Variants in GOPC observed in about 807,000 individuals in gnomAD.
GOPC encodes the protein golgi associated PDZ and coiled-coil motif containing, also known as Golgi-associated PDZ and coiled-coil motif-containing protein.
A neutral mutation model predicts 51.2 loss-of-function variants in GOPC; 32 were observed. The ratio of observed to expected loss-of-function variants is 0.63; its 90% CI spans 0.47 to 0.84. GOPC has a LOEUF of 0.84. GOPC is among the 40% of genes least tolerant of loss of function. The probability of loss-of-function intolerance (pLI) is 0.00; values close to 1 mark genes in which losing one functional copy is unlikely to be tolerated. For missense variants in GOPC, 441 were observed against 555.5 expected (o/e 0.79, Z 2.07); for synonymous variants, 190 against 205.1 (o/e 0.93, Z 0.63).
At chr6:117,573,208 G>C (rs1779832421) in intron 5 of GOPC, among the ~76,000 whole-genome samples, 1 of 152,142 alleles carries the variant, frequency 6.6e-6, no homozygotes, top group South Asian at 2.1e-4. Context: ...CTGGAAATAT[G>C]ATCCAACATT....
intron 1 of GOPC, among the ~76,000 whole-genome samples, chr6:117,599,760 G>T (rs1227605316): frequency 1.3e-5 from 2 of 151,862 alleles, no homozygotes; most frequent in Non-Finnish European, 2.9e-5. Flanking sequence ...TTTAATTTCT[G>T]AAAAAAGAAC....
chr6:117,563,193 TC>T lies in GOPC; in HGVS notation c.*60del. 2 of 1,506,614 alleles carry T rather than the reference TC, an allele frequency of 1.3e-6. No individual in the cohort carries two copies. 93.3% of individuals were successfully genotyped at this position (1,506,614 alleles called of 1,614,324 possible). ...GATTTTGTAGTCTTTGTCACCATCT[TC>T]CCCAGTGCCCCAAATTCAGAATAGT... On this transcript the variant is annotated 3_prime_UTR_variant, in exon 9 of 9. Coordinates refer to ENST00000368498, the MANE Select transcript of GOPC (RefSeq NM_020399.4).
rs867686788 is a variant in GOPC at position 117,575,073 on chromosome 6, C to T, written c.650+104G>A. ...CAGCCTGGGCAACAGAGCAAGACTC[C>T]ATCTCAAAAAAATAAAAAATAAAAA... On this transcript the variant is annotated intron_variant, in intron 4 of 8. Coordinates refer to ENST00000368498, the MANE Select transcript of GOPC (RefSeq NM_020399.4). 4.9e-5 allele frequency: 43 copies of T among 884,448 alleles called. No homozygotes were observed. The African/African-American group carries it at 6.9e-4, about 14-fold the overall frequency. The allele number at this position is 884,448 out of a possible 1,614,324, so 54.8% of individuals were successfully genotyped here. A position where few individuals can be genotyped will look rare whatever the true frequency, so the allele number is the denominator to read the frequency against.
At chr6:117,579,418 T>C (rs377350190) in intron 1 of GOPC, among the ~76,000 whole-genome samples, 5 of 152,216 alleles carry the variant, frequency 3.3e-5, no homozygotes, top group Admixed American at 6.5e-5. Context: ...GTAGAGACAA[T>C]GTGTGCTGTG....
chr6:117,563,072 T>A lies in GOPC; in HGVS notation c.*182A>T. On this transcript the variant is annotated 3_prime_UTR_variant, in exon 9 of 9. Transcript: ENST00000368498. ...CTTTACATGCAATAGCTAATTATGG[T>A]CTACCACAGAAAACAGGGTGTTTTA... 1.7e-6 allele frequency: 1 copy of A among 572,484 alleles called. No homozygotes were observed. Among genetic ancestry groups the A allele is most frequent in the Non-Finnish European group, 3.1e-6 (1 of 324,012 alleles). 35.5% of individuals were successfully genotyped at this position (572,484 alleles called of 1,614,324 possible). A position where few individuals can be genotyped will look rare whatever the true frequency, so the allele number is the denominator to read the frequency against.
At chr6:117,596,496 G>A (rs1286229699) in intron 1 of GOPC, among the ~76,000 whole-genome samples, 3 of 152,176 alleles carry the variant, frequency 2.0e-5, no homozygotes, top group Non-Finnish European at 4.4e-5. Context: ...TTTTTCCAAT[G>A]TTATCTTCTA....
chr6:117,568,488 C>T (rs1217513144), intron 7 of GOPC, among the ~76,000 whole-genome samples: 1 of 152,204 alleles, frequency 6.6e-6, no homozygotes, highest in Admixed American at 6.5e-5. Context: ...TTGATAGCTC[C>T]TTCACCAGTT....
chr6:117,601,662 A>C (rs1772012172), intron 1 of GOPC, among the ~76,000 whole-genome samples: 1 of 152,274 alleles, frequency 6.6e-6, no homozygotes, highest in Non-Finnish European at 1.5e-5. Context: ...GCAGATCTGC[A>C]AAACTCAGTT....
intron 1 of GOPC, among the ~76,000 whole-genome samples, chr6:117,597,090 T>C (rs561247165): frequency 6.6e-6 from 1 of 152,300 alleles, no homozygotes; most frequent in African/African-American, 2.4e-5. Context: ...TTTCTTTGTA[T>C]AGGTCTTTCA....
At chr6:117,569,762 T>TA in intron 6 of GOPC, 26 bp from the exon 7 acceptor site, 1 of 1,548,452 alleles carries the variant, frequency 6.5e-7, no homozygotes, top group Middle Eastern at 1.7e-4. Flanking sequence ...GGCAGTAAAT[T>TA]AAAGTACTCT....
At chr6:117,588,555 C>A (rs901168443) in intron 1 of GOPC, among the ~76,000 whole-genome samples, 1 of 151,800 alleles carries the variant, frequency 6.6e-6, no homozygotes, top group Admixed American at 6.6e-5. Context: ...GGATTACAGG[C>A]GTGAGTTATC....
rs1779649239 is a variant in GOPC at position 117,564,286 on chromosome 6, T to C, written c.1259-902A>G. The stretch of plus-strand genomic sequence containing the variant: ...CCACCATCAAGCTGTCTGTAAGACT[T>C]AGAAGTAATACATATAATTGTAAAA... On this transcript the variant is annotated intron_variant, in intron 8 of 8. Coordinates refer to ENST00000368498, the MANE Select transcript of GOPC (RefSeq NM_020399.4). Among the ~76,000 whole-genome samples the C allele has an allele frequency of 2.0e-5, 3 of 152,230 alleles. No individual in the cohort carries two copies. In the South Asian group the frequency reaches 6.2e-4, roughly 31 times the overall value.
At chr6:117,572,843 G>A (rs1779825671) in intron 5 of GOPC, among the ~76,000 whole-genome samples, 2 of 152,118 alleles carry the variant, frequency 1.3e-5, no homozygotes, top group African/African-American at 4.8e-5. Flanking sequence ...TACTATTTAA[G>A]GCCATACATT....
chr6:117,593,206 A>C (rs1780144673), intron 1 of GOPC, among the ~76,000 whole-genome samples: 1 of 151,382 alleles, frequency 6.6e-6, no homozygotes, highest in Non-Finnish European at 1.5e-5. Flanking sequence ...TCATGCTCTT[A>C]CTCTCACCTA....
At chr6:117,571,670 C>A (rs556656598) in intron 5 of GOPC, among the ~76,000 whole-genome samples, 2 of 152,260 alleles carry the variant, frequency 1.3e-5, no homozygotes, top group Non-Finnish European at 2.9e-5. Flanking sequence ...CACATTCAGT[C>A]CTCTGGTCTC....
intron 3 of GOPC, 141 bp downstream of exon 3, chr6:117,577,307 T>C (rs984882886): frequency 4.2e-6 from 3 of 721,370 alleles, no homozygotes; most frequent in African/African-American, 3.7e-5. Context: ...CCACTGAACT[T>C]TTCAGGTACT....
At chr6:117,588,169 C>G (rs975267685) in intron 1 of GOPC, among the ~76,000 whole-genome samples, 1 of 152,064 alleles carries the variant, frequency 6.6e-6, no homozygotes, top group Non-Finnish European at 1.5e-5. Flanking sequence ...TAAAGAAATA[C>G]CTGGGACTGG....
intron 1 of GOPC, among the ~76,000 whole-genome samples, chr6:117,588,613 C>A (rs1780067688): frequency 6.6e-6 from 1 of 151,934 alleles, no homozygotes; most frequent in Non-Finnish European, 1.5e-5. Context: ...TAAAACAATG[C>A]TATTCTTCTA....
chr6:117,567,388 AT>A (rs532986927), intron 7 of GOPC, among the ~76,000 whole-genome samples: 1 of 152,208 alleles, frequency 6.6e-6, no homozygotes, highest in Non-Finnish European at 1.5e-5. Flanking sequence ...GCACACAGCA[AT>A]TCAGCAAATA....
Sources: gnomAD v4.1 joint callset for allele counts (sites outside exome capture counted in the v4.1 genomes callset) on GRCh38, gnomAD v4.1.1 for gene constraint, MANE v1.5 for transcripts, NCBI Gene and HGNC (gene_info 2026-07-23, HGNC 2026-07-21) for gene names.